The following CDH12 variants were observed in gnomAD, a reference collection of about 807,000 sequenced individuals.
CDH12 encodes the protein cadherin-12.
A neutral mutation model predicts 74.1 loss-of-function variants in CDH12; 41 were observed. The ratio of observed to expected loss-of-function variants is 0.55; its 90% CI spans 0.43 to 0.72. CDH12 has a LOEUF of 0.72. CDH12 is among the 30% of genes least tolerant of loss of function. The pLI, the probability that CDH12 is intolerant of heterozygous loss-of-function variation, is 0.00. For synonymous variants in CDH12, 399 were observed against 355.0 expected (o/e 1.12, Z -1.39); for missense variants, 945 against 977.2 (o/e 0.97, Z 0.44).
At chr5:22,730,212 C>A (rs569518788) in intron 1 of CDH12, among the ~76,000 whole-genome samples, 1 of 151,506 alleles carries the variant, frequency 6.6e-6, no homozygotes, top group East Asian at 2.0e-4. Flanking sequence ...CAACAAAAAC[C>A]CAGCAATGAC....
chr5:22,393,242 A>G (rs1742320757), intron 3 of CDH12, among the ~76,000 whole-genome samples: 2 of 152,244 alleles, frequency 1.3e-5, no homozygotes, highest in South Asian at 2.1e-4. Context: ...AGAAAAGGAG[A>G]CAATTTTACC....
chr5:22,033,659 T>C (rs1344896955), intron 5 of CDH12, among the ~76,000 whole-genome samples: 1 of 152,222 alleles, frequency 6.6e-6, no homozygotes, highest in Non-Finnish European at 1.5e-5. Context: ...ATGTCTGTTT[T>C]TCTTTAGTCA....
At chr5:22,557,266 C>A (rs1252267474) in intron 1 of CDH12, among the ~76,000 whole-genome samples, 1 of 152,006 alleles carries the variant, frequency 6.6e-6, no homozygotes, top group Admixed American at 6.6e-5. Flanking sequence ...TTTAAAAATA[C>A]ATTTCCACCC....
rs1736301441 is a variant in CDH12 at position 22,504,509 on chromosome 5, GT to G, written c.-428+760del. Among the ~76,000 whole-genome samples, 4 of 152,028 alleles carry G rather than the reference GT, an allele frequency of 2.6e-5. No homozygotes were observed. In the South Asian group the frequency reaches 8.3e-4, roughly 31 times the overall value. ...TATCTCTTCAACCTTGTCTTTCTGAGTTGTTATATCAATGGTTAATCTTAAC... is the reference window on the plus strand; with the variant it reads ...TATCTCTTCAACCTTGTCTTTCTGAGTGTTATATCAATGGTTAATCTTAAC... On this transcript the variant is annotated intron_variant, in intron 2 of 14. Transcript: ENST00000382254.
intron 1 of CDH12, among the ~76,000 whole-genome samples, chr5:22,640,988 A>G (rs995893045): frequency 6.6e-6 from 1 of 152,162 alleles, no homozygotes; most frequent in African/African-American, 2.4e-5. Flanking sequence ...CCTTCTGCCA[A>G]CTTCCCCCAC....
intron 6 of CDH12, among the ~76,000 whole-genome samples, chr5:21,955,019 G>T (rs550443762): frequency 3.2e-4 from 49 of 152,194 alleles, no homozygotes; most frequent in African/African-American, 1.1e-3. Flanking sequence ...GTAATACAGT[G>T]TGTTCCCTTG....
intron 1 of CDH12, among the ~76,000 whole-genome samples, chr5:22,796,514 C>CTTTTTTTTTT (rs70959756): frequency 1.7e-5 from 1 of 59,754 alleles, no homozygotes; most frequent in Admixed American, 2.6e-4. Context: ...GATTTTTTAT[C>CTTTTTTTTTT]TTTTTTTTTT....
intron 5 of CDH12, among the ~76,000 whole-genome samples, chr5:22,033,447 C>A (rs563186902): frequency 6.6e-6 from 1 of 152,046 alleles, no homozygotes; most frequent in African/African-American, 2.4e-5. Context: ...TTATTCATAC[C>A]GGAAAGGACA....
intron 4 of CDH12, among the ~76,000 whole-genome samples, chr5:22,152,743 G>A (rs1471468532): frequency 1.3e-5 from 2 of 152,012 alleles, no homozygotes; most frequent in Non-Finnish European, 2.9e-5. Context: ...TTGAAATTTT[G>A]TATCCTTGGA....
intron 3 of CDH12, among the ~76,000 whole-genome samples, chr5:22,318,738 T>C (rs1464037575): frequency 6.6e-6 from 1 of 152,216 alleles, no homozygotes; most frequent in African/African-American, 2.4e-5. Context: ...TTTGTCCTCT[T>C]CATCCAAACA....
chr5:22,199,332 T>C (rs1274768472), intron 4 of CDH12, among the ~76,000 whole-genome samples: 27 of 152,178 alleles, frequency 1.8e-4, no homozygotes, highest in African/African-American at 6.0e-4. Flanking sequence ...CAGGAGTCTG[T>C]AAAAACTAGA....
chr5:22,103,966 T>G (rs1426014249), intron 4 of CDH12, among the ~76,000 whole-genome samples: 1 of 152,138 alleles, frequency 6.6e-6, no homozygotes, highest in Non-Finnish European at 1.5e-5. Flanking sequence ...ATCATTATGG[T>G]TTGGAAGAAA....
intron 1 of CDH12, among the ~76,000 whole-genome samples, chr5:22,738,240 T>C (rs917912791): frequency 6.6e-6 from 1 of 152,016 alleles, no homozygotes; most frequent in Non-Finnish European, 1.5e-5. Context: ...ATAAAAATCA[T>C]TTAGGAATCA....
intron 5 of CDH12, among the ~76,000 whole-genome samples, chr5:21,984,280 G>A (rs908422324): frequency 7.2e-5 from 11 of 152,094 alleles, no homozygotes; most frequent in Non-Finnish European, 1.3e-4. Context: ...TTCTTTGCAG[G>A]TTACCTACAG....
chr5:21,988,149 CTA>C (rs1399334644), intron 5 of CDH12, among the ~76,000 whole-genome samples: 1 of 152,098 alleles, frequency 6.6e-6, no homozygotes, highest in East Asian at 1.9e-4. Context: ...CCATATAACA[CTA>C]CAACAGGTTA....
chr5:21,968,256 GT>G (rs1473672837), intron 6 of CDH12, among the ~76,000 whole-genome samples: 2 of 152,184 alleles, frequency 1.3e-5, no homozygotes, highest in African/African-American at 4.8e-5. Flanking sequence ...CCCAGGGATT[GT>G]GGCAAATGGT....
At chr5:22,118,674 T>A (rs1454951217) in intron 4 of CDH12, among the ~76,000 whole-genome samples, 2 of 151,726 alleles carry the variant, frequency 1.3e-5, no homozygotes, top group Non-Finnish European at 2.9e-5. Flanking sequence ...TGTCAAGGAG[T>A]CTTCACTATT....
At position 21,770,849 on chromosome 5, in the gene CDH12, G is replaced by A. The variant is rs149860255; in HGVS notation, c.1394-5750C>T. 1.2e-4 allele frequency among the ~76,000 whole-genome samples: 19 copies of A among 152,146 alleles called. No individual in the cohort carries two copies. In the East Asian group the frequency reaches 3.3e-3, roughly 26 times the overall value. On this transcript the variant is annotated intron_variant, in intron 11 of 14. Coordinates refer to ENST00000382254, the MANE Select transcript of CDH12 (RefSeq NM_004061.5). ...TGGTAGACTGGATTTTTAAAATGTGGCACATATACATAATGGAATACTATG... is the reference window on the plus strand; with the variant it reads ...TGGTAGACTGGATTTTTAAAATGTGACACATATACATAATGGAATACTATG...
At chr5:22,787,157 C>T (rs1298526918) in intron 1 of CDH12, among the ~76,000 whole-genome samples, 1 of 152,010 alleles carries the variant, frequency 6.6e-6, no homozygotes, top group Non-Finnish European at 1.5e-5. Context: ...CACACACACA[C>T]ACCCCACAGC....
Sources: gnomAD v4.1 joint callset for allele counts (sites outside exome capture counted in the v4.1 genomes callset) on GRCh38, gnomAD v4.1.1 for gene constraint, MANE v1.5 for transcripts, NCBI Gene and HGNC (gene_info 2026-07-23, HGNC 2026-07-21) for gene names.